NTNG1: variants seen among roughly 807,000 people sequenced by gnomAD.
NTNG1 encodes the protein netrin-G1.
A neutral mutation model predicts 54.0 loss-of-function variants in NTNG1; 16 were observed. The observed-to-expected ratio is 0.30, with a 90% CI of 0.20 to 0.45. The LOEUF is 0.45. Among genes scored for constraint, NTNG1 ranks in the 20% least tolerant of loss-of-function variants. The pLI is 1.00. For synonymous variants in NTNG1, 255 were observed against 263.1 expected, an observed-to-expected ratio of 0.97 and a Z score of 0.30; for missense variants, 530 against 678.7, an observed-to-expected ratio of 0.78 and a Z score of 2.43.
chr1:107,148,880 G>T, intron 2 of NTNG1, 41 bp downstream of exon 2: 1 of 1,589,394 alleles, frequency 6.3e-7, no homozygotes, highest in Non-Finnish European at 8.6e-7. Flanking sequence ...ATATAAATAG[G>T]GTCTAATCGC....
chr1:107,431,024 C>CT (rs1675228668), intron 6 of NTNG1, 107 bp downstream of exon 6: 2 of 961,618 alleles, frequency 2.1e-6, no homozygotes, highest in Non-Finnish European at 3.1e-6. Flanking sequence ...CCAGAATGAA[C>CT]TTTCTCAATG....
intron 3 of NTNG1, among the ~76,000 whole-genome samples, chr1:107,328,631 G>A (rs551179295): frequency 1.3e-5 from 2 of 152,160 alleles, no homozygotes; most frequent in Non-Finnish European, 2.9e-5. Context: ...ACCATTGGAA[G>A]CTTTGATTTT....
At chr1:107,215,977 G>T (rs1659929452) in intron 2 of NTNG1, among the ~76,000 whole-genome samples, 1 of 152,090 alleles carries the variant, frequency 6.6e-6, no homozygotes, top group African/African-American at 2.4e-5. Flanking sequence ...CACGGCTACT[G>T]ATTTGTGTAC....
chr1:107,430,036 A>G (rs954975441), intron 5 of NTNG1, among the ~76,000 whole-genome samples: 4 of 152,186 alleles, frequency 2.6e-5, no homozygotes, highest in Admixed American at 2.6e-4. Context: ...GTAGCAAACT[A>G]TTCTTGAAAC....
rs76573617 is a variant in NTNG1, at chr1:107,336,341, C to G, written c.887+11419C>G. Among the ~76,000 whole-genome samples the G allele has an allele frequency of 2.7e-3, 412 of 151,642 alleles. 4 individuals carry two copies. The highest frequency in any genetic ancestry group is 9.3e-3 in the African/African-American group (386 of 41,404). ...GGTCAAATAATTTTCAACAACGTTG[C>G]CAAGACCATCGAGTGAGGAAAAGAC... On this transcript the variant is annotated intron_variant, in intron 3 of 7. Transcript: ENST00000370068.
intron 2 of NTNG1, among the ~76,000 whole-genome samples, chr1:107,249,553 T>A (rs754256185): frequency 1.6e-4 from 25 of 152,308 alleles, no homozygotes; most frequent in Non-Finnish European, 1.2e-4. Flanking sequence ...AAGACACTAT[T>A]ATTTGCATTG....
chr1:107,422,643 T>C (rs899502388), intron 5 of NTNG1, among the ~76,000 whole-genome samples: 19 of 152,110 alleles, frequency 1.2e-4, no homozygotes, highest in Non-Finnish European at 2.2e-4. Context: ...TGCTAGAGCC[T>C]CTTAATTCCC....
intron 3 of NTNG1, among the ~76,000 whole-genome samples, chr1:107,327,300 C>A (rs1017520627): frequency 6.6e-6 from 1 of 152,072 alleles, no homozygotes; most frequent in Non-Finnish European, 1.5e-5. Context: ...TCTGATGGCT[C>A]GGGCGTGTCT....
At chr1:107,358,166 A>G (rs1407631184) in intron 3 of NTNG1, among the ~76,000 whole-genome samples, 1 of 152,116 alleles carries the variant, frequency 6.6e-6, no homozygotes, top group Non-Finnish European at 1.5e-5. Flanking sequence ...GTAAATACCT[A>G]AGGTATGAAT....
intron 5 of NTNG1, among the ~76,000 whole-genome samples, chr1:107,415,519 G>A (rs763191917): frequency 3.9e-5 from 6 of 152,006 alleles, no homozygotes; most frequent in Non-Finnish European, 7.4e-5. Flanking sequence ...AGTAAAATCC[G>A]GAGAAATTAA....
At chr1:107,247,728 A>G (rs1662296864) in intron 2 of NTNG1, among the ~76,000 whole-genome samples, 1 of 152,206 alleles carries the variant, frequency 6.6e-6, no homozygotes, top group Non-Finnish European at 1.5e-5. Flanking sequence ...CTAACAAATG[A>G]GTTATCTTAT....
intron 2 of NTNG1, among the ~76,000 whole-genome samples, chr1:107,189,628 T>C (rs1036789920): frequency 2.0e-5 from 3 of 152,084 alleles, no homozygotes; most frequent in Admixed American, 6.6e-5. Flanking sequence ...TGTTTTAATA[T>C]TCTCTACCTT....
intron 2 of NTNG1, among the ~76,000 whole-genome samples, chr1:107,186,352 G>T (rs1353996526): frequency 6.6e-6 from 1 of 152,030 alleles, no homozygotes; most frequent in Non-Finnish European, 1.5e-5. Flanking sequence ...AAACCACTCA[G>T]CACCAAGTGG....
intron 2 of NTNG1, among the ~76,000 whole-genome samples, chr1:107,156,370 G>T (rs1416061804): frequency 6.6e-6 from 1 of 152,056 alleles, no homozygotes; most frequent in Admixed American, 6.6e-5. Context: ...AATATAGGAG[G>T]TTTGGTATGT....
At chr1:107,374,601 TTTAG>T (rs1403712361) in intron 3 of NTNG1, among the ~76,000 whole-genome samples, 3 of 152,090 alleles carry the variant, frequency 2.0e-5, no homozygotes, top group Admixed American at 6.5e-5. Flanking sequence ...ATTCTATTAC[TTTAG>T]TTAATGTTTG....
intron 2 of NTNG1, among the ~76,000 whole-genome samples, chr1:107,320,688 A>C (rs914339492): frequency 1.6e-4 from 20 of 126,294 alleles, no homozygotes; most frequent in South Asian, 2.5e-4. Flanking sequence ...CCTTTCTCTC[A>C]CCTGAAGTGC....
chr1:107,469,620 C>A (rs1194424822), intron 7 of NTNG1, among the ~76,000 whole-genome samples: 1 of 152,050 alleles, frequency 6.6e-6, no homozygotes, highest in Non-Finnish European at 1.5e-5. Flanking sequence ...CCATGCCCAG[C>A]TAATTTTTTG....
chr1:107,353,068 C>T (rs1669723549), intron 3 of NTNG1, among the ~76,000 whole-genome samples: 1 of 152,192 alleles, frequency 6.6e-6, no homozygotes, highest in Admixed American at 6.5e-5. Flanking sequence ...AAGGCTGTTC[C>T]CCCATTGTCT....
At chr1:107,371,668 C>T (rs957612091) in intron 3 of NTNG1, among the ~76,000 whole-genome samples, 1 of 151,832 alleles carries the variant, frequency 6.6e-6, no homozygotes, top group Admixed American at 6.6e-5. Context: ...GTAGTGAATT[C>T]TACGAAACAT....
Sources: gnomAD v4.1 joint callset for allele counts (sites outside exome capture counted in the v4.1 genomes callset) on GRCh38, gnomAD v4.1.1 for gene constraint, MANE v1.5 for transcripts, NCBI Gene and HGNC (gene_info 2026-07-23, HGNC 2026-07-21) for gene names.